Variants in AGPS observed in about 807,000 individuals in gnomAD.
The protein encoded by AGPS is alkylglycerone phosphate synthase.
Under a neutral mutation model 90.7 loss-of-function variants are expected in AGPS, and 26 were observed. The observed-to-expected ratio is 0.29, with a 90% CI of 0.21 to 0.40. AGPS has a LOEUF of 0.40. Ranked by LOEUF, AGPS falls within the 10% of genes least tolerant of loss-of-function variation. AGPS has a pLI of 1.00. For missense variants in AGPS, 540 were observed against 816.1 expected (o/e 0.66, Z 4.12); for synonymous variants, 294 against 285.3 (o/e 1.03, Z -0.31).
At chr2:177,420,403 C>A (rs1341371593) in intron 2 of AGPS, 45 bp downstream of exon 2, 1 of 1,409,208 alleles carries the variant, frequency 7.1e-7, no homozygotes, top group Admixed American at 1.7e-5. Flanking sequence ...TTAATTCTTT[C>A]TTTCTATGAA....
intron 8 of AGPS, among the ~76,000 whole-genome samples, chr2:177,455,678 G>T (rs937194566): frequency 6.6e-6 from 1 of 151,980 alleles, no homozygotes; most frequent in Non-Finnish European, 1.5e-5. Flanking sequence ...GGTAGAGGGG[G>T]AAGTTCCTGC....
At chr2:177,429,447 T>C (rs1686174809) in intron 2 of AGPS, among the ~76,000 whole-genome samples, 1 of 152,220 alleles carries the variant, frequency 6.6e-6, no homozygotes, top group Admixed American at 6.5e-5. Context: ...CTTTGTGGGA[T>C]TATCTAGCTT....
chr2:177,413,175 C>T (rs762889091), intron 1 of AGPS, among the ~76,000 whole-genome samples: 24 of 152,190 alleles, frequency 1.6e-4, no homozygotes, highest in Non-Finnish European at 2.9e-4. Flanking sequence ...TTACGGTTTA[C>T]AACAAGAATA....
At chr2:177,406,746 A>G (rs757570394) in intron 1 of AGPS, among the ~76,000 whole-genome samples, 4 of 152,242 alleles carry the variant, frequency 2.6e-5, no homozygotes, top group Non-Finnish European at 4.4e-5. Context: ...TTGATTATTG[A>G]AGTAATAACA....
At chr2:177,459,930 G>A (rs1486795234) in intron 8 of AGPS, among the ~76,000 whole-genome samples, 5 of 152,300 alleles carry the variant, frequency 3.3e-5, no homozygotes, top group Admixed American at 2.6e-4. Flanking sequence ...GTCCATCAAT[G>A]ATAGACTGGA....
intron 2 of AGPS, 83 bp from the exon 3 acceptor site, chr2:177,434,244 G>T: frequency 1.0e-6 from 1 of 953,098 alleles, no homozygotes; most frequent in South Asian, 1.4e-5. Flanking sequence ...GTAGCTGCTT[G>T]ACCATCACTG....
intron 12 of AGPS, among the ~76,000 whole-genome samples, chr2:177,496,813 GAAGGA>G (rs1001659093): frequency 6.6e-6 from 1 of 152,002 alleles, no homozygotes; most frequent in African/African-American, 2.4e-5. Context: ...TATTTTAAAA[GAAGGA>G]AAGGAAGGGC....
chr2:177,487,618 A>C (rs546218390), intron 11 of AGPS, among the ~76,000 whole-genome samples: 1 of 152,286 alleles, frequency 6.6e-6, no homozygotes, highest in South Asian at 2.1e-4. Context: ...AAACACTTAA[A>C]ACTTCTTTTT....
chr2:177,459,587 T>C (rs965170012), intron 8 of AGPS, among the ~76,000 whole-genome samples: 1 of 152,234 alleles, frequency 6.6e-6, no homozygotes, highest in Non-Finnish European at 1.5e-5. Flanking sequence ...TCACTGGTTA[T>C]TAGCGAAATG....
chr2:177,536,241 A>G (rs936620583), intron 19 of AGPS, among the ~76,000 whole-genome samples: 1 of 152,140 alleles, frequency 6.6e-6, no homozygotes, highest in Non-Finnish European at 1.5e-5. Context: ...CAGTCTTTTC[A>G]GGACAATTAC....
chr2:177,432,360 C>T (rs912927293), intron 2 of AGPS, among the ~76,000 whole-genome samples: 3 of 152,236 alleles, frequency 2.0e-5, no homozygotes, highest in African/African-American at 7.2e-5. Flanking sequence ...TCAGTAGTCA[C>T]TGTGATTCAA....
chr2:177,452,646 G>C (rs1415762008), intron 8 of AGPS, among the ~76,000 whole-genome samples: 1 of 151,924 alleles, frequency 6.6e-6, no homozygotes, highest in Admixed American at 6.6e-5. Flanking sequence ...CCTTTTCATT[G>C]AGGTGTTTAG....
intron 8 of AGPS, among the ~76,000 whole-genome samples, chr2:177,449,150 C>T (rs947240918): frequency 7.2e-5 from 11 of 152,102 alleles, no homozygotes; most frequent in East Asian, 1.9e-4. Flanking sequence ...CTGCTATGAA[C>T]GTTCATGTGA....
At chr2:177,531,440 A>G (rs561487680) in intron 19 of AGPS, among the ~76,000 whole-genome samples, 2 of 152,312 alleles carry the variant, frequency 1.3e-5, no homozygotes, top group South Asian at 2.1e-4. Flanking sequence ...CTAGCAAAAT[A>G]TATACCGAAT....
intron 5 of AGPS, among the ~76,000 whole-genome samples, chr2:177,440,334 A>G (rs750069425): frequency 3.3e-5 from 5 of 152,144 alleles, no homozygotes; most frequent in Non-Finnish European, 5.9e-5. Flanking sequence ...AGACATGTTC[A>G]TATCATGTGC....
At chr2:177,523,871 G>A (rs1371124074) in intron 19 of AGPS, 66 bp downstream of exon 19, 2 of 1,305,782 alleles carry the variant, frequency 1.5e-6, no homozygotes, top group South Asian at 1.2e-5. Flanking sequence ...TCAGTAAAAT[G>A]CTAGGGAGAG....
chr2:177,407,157 G>A (rs368645277), intron 1 of AGPS, among the ~76,000 whole-genome samples: 48 of 152,224 alleles, frequency 3.2e-4, no homozygotes, highest in Admixed American at 6.5e-4. Context: ...TTAAATAGGG[G>A]TAATGACACC....
intron 16 of AGPS, among the ~76,000 whole-genome samples, chr2:177,509,431 C>T (rs1357774918): frequency 1.3e-5 from 2 of 152,136 alleles, no homozygotes; most frequent in African/African-American, 2.4e-5. Context: ...CTTTGGGAGG[C>T]CGAGACGGGC....
chr2:177,440,321 A>G (rs1686562822), intron 5 of AGPS, among the ~76,000 whole-genome samples: 2 of 152,146 alleles, frequency 1.3e-5, no homozygotes, highest in Admixed American at 1.3e-4. Flanking sequence ...ATTACTGGAA[A>G]TGAGACATGT....
Sources: allele counts gnomAD v4.1 joint callset (sites outside exome capture counted in the v4.1 genomes callset), GRCh38; gene constraint gnomAD v4.1.1; transcripts MANE v1.5; gene names NCBI Gene and HGNC (gene_info 2026-07-23, HGNC 2026-07-21).